Variants in FILIP1L observed in about 807,000 individuals in gnomAD.
FILIP1L encodes the protein filamin A-interacting protein 1-like.
Under a neutral mutation model 96.6 loss-of-function variants are expected in FILIP1L, and 55 were observed. The ratio of observed to expected loss-of-function variants is 0.57; its 90% CI spans 0.46 to 0.71. FILIP1L has a LOEUF of 0.71. Ranked by LOEUF, FILIP1L falls within the 30% of genes least tolerant of loss-of-function variation. The pLI is 0.00. For missense variants in FILIP1L, 1,304 were observed against 1,321.2 expected (o/e 0.99, Z 0.20); for synonymous variants, 467 against 473.9 (o/e 0.99, Z 0.19).
At chr3:100,059,782 T>A (rs973788832) in intron 1 of FILIP1L, among the ~76,000 whole-genome samples, 1 of 152,118 alleles carries the variant, frequency 6.6e-6, no homozygotes, top group Non-Finnish European at 1.5e-5. Flanking sequence ...TCAAGAGAAA[T>A]CAGAAATCCA....
intron 4 of FILIP1L, among the ~76,000 whole-genome samples, chr3:99,882,244 G>T (rs1258960366): frequency 6.6e-6 from 1 of 152,016 alleles, no homozygotes; most frequent in East Asian, 1.9e-4. Flanking sequence ...CGTCCCTTTC[G>T]GTTCCAAATT....
rs1333400545 is a variant in FILIP1L, at chr3:99,850,703, G to T, written c.973C>A (p.Gln325Lys). 1 of 1,613,908 alleles carries T rather than the reference G, an allele frequency of 6.2e-7. No homozygotes were observed. The highest frequency in any genetic ancestry group is 1.3e-5 in the African/African-American group (1 of 74,902). Residue 325 changes from glutamine (Q) to lysine (K), a missense_variant, in exon 5 of 6, where the codon CAA (glutamine) becomes AAA (lysine). Coordinates refer to ENST00000477258, the MANE Select transcript of FILIP1L (RefSeq NM_001387850.1). ...NEDSQNRQLQ[Q>K]KLAALSRQID... is the part of the protein sequence containing the mutation. ...TGCCGGCTGAGTGCTGCCAGCTTTT[G>T]TTGAAGCTGGCGATTTTGACTGTCC...
chr3:99,983,123 G>A (rs977587803), intron 1 of FILIP1L, among the ~76,000 whole-genome samples: 5 of 151,734 alleles, frequency 3.3e-5, no homozygotes, highest in African/African-American at 7.3e-5. Context: ...TCTTTTTACA[G>A]CTATTATCTC....
At chr3:99,835,709 G>A (rs1243662010) in intron 5 of FILIP1L, among the ~76,000 whole-genome samples, 1 of 152,188 alleles carries the variant, frequency 6.6e-6, no homozygotes, top group Non-Finnish European at 1.5e-5. Flanking sequence ...ATAAATGATA[G>A]CTGATTCTTG....
intron 1 of FILIP1L, among the ~76,000 whole-genome samples, chr3:99,958,877 A>G (rs1424740388): frequency 6.6e-6 from 1 of 152,180 alleles, no homozygotes; most frequent in Non-Finnish European, 1.5e-5. Flanking sequence ...TTGGCTTTAC[A>G]CTTAGGCAGT....
At position 99,944,598 on chromosome 3, in the gene FILIP1L, C is replaced by T. The variant is rs150701778; in HGVS notation, c.-10-13568G>A. 1.9e-3 allele frequency among the ~76,000 whole-genome samples: 287 copies of T among 152,260 alleles called. 1 individual carries two copies. The highest frequency in any genetic ancestry group is 6.5e-3 in the African/African-American group (271 of 41,552). ...TCTGCACTTTATGGGTTAAAGTAAC[C>T]GAAACCTAAAGAGGTTAAGTTAATC... On this transcript the variant is annotated intron_variant, in intron 1 of 5. Transcript: ENST00000477258.
At chr3:100,049,153 C>T (rs2065327778) in intron 1 of FILIP1L, among the ~76,000 whole-genome samples, 1 of 152,188 alleles carries the variant, frequency 6.6e-6, no homozygotes, top group African/African-American at 2.4e-5. Flanking sequence ...TTTACCTTCT[C>T]TCCTTACTAT....
At position 99,924,420 on chromosome 3, in the gene FILIP1L, A is replaced by G; in HGVS notation, c.427-12T>C. 3.7e-6 allele frequency: 6 copies of G among 1,612,486 alleles called. No homozygotes were observed. Among genetic ancestry groups the G allele is most frequent in the Non-Finnish European group, 4.2e-6 (5 of 1,178,834 alleles). Reference sequence around the variant, plus strand: ...ACAACTTTGTCCAACTACGAAAGAAAACATTTATAGCCTGTTACCAAATTG... The same window carrying G: ...ACAACTTTGTCCAACTACGAAAGAAGACATTTATAGCCTGTTACCAAATTG... On this transcript the variant is annotated splice_polypyrimidine_tract_variant and intron_variant, in intron 3 of 5. Coordinates refer to ENST00000477258, the MANE Select transcript of FILIP1L (RefSeq NM_001387850.1).
At chr3:99,872,266 G>A (rs971961309) in intron 4 of FILIP1L, among the ~76,000 whole-genome samples, 5 of 85,536 alleles carry the variant, frequency 5.8e-5, no homozygotes, top group Admixed American at 4.4e-4. Context: ...TTCTGTGCCA[G>A]GACTGTGTGT....
chr3:100,031,373 C>T (rs1262436720), intron 1 of FILIP1L, among the ~76,000 whole-genome samples: 2 of 152,022 alleles, frequency 1.3e-5, no homozygotes, highest in Non-Finnish European at 2.9e-5. Flanking sequence ...CTGTTACCCT[C>T]GTTTCCACTC....
At chr3:99,874,412 C>T (rs1705399001) in intron 4 of FILIP1L, 2 of 152,144 alleles carry the variant, frequency 1.3e-5, no homozygotes, top group Admixed American at 1.3e-4. Context: ...ATAAACAACT[C>T]TTCCATTGCA....
At chr3:99,841,027 CT>C (rs1943108246) in intron 5 of FILIP1L, among the ~76,000 whole-genome samples, 1 of 152,216 alleles carries the variant, frequency 6.6e-6, no homozygotes, top group South Asian at 2.1e-4. Context: ...GGCAGTGAAT[CT>C]TTCATCTCCA....
rs139416652 is a variant in FILIP1L at position 100,074,990 on chromosome 3, G to A, written c.-11+39063C>T. Among the ~76,000 whole-genome samples the A allele has an allele frequency of 4.4e-3, 675 of 151,940 alleles. 7 individuals are homozygous for A. The highest frequency in any genetic ancestry group is 0.016 in the African/African-American group (660 of 41,438). On this transcript the variant is annotated intron_variant, in intron 1 of 5. Transcript: ENST00000477258. Reference sequence around the variant, plus strand: ...ATTACAGGCATGAGCCAACATGCCCGGCCTGATTTTCTTTTATAATAATGA... The same window carrying A: ...ATTACAGGCATGAGCCAACATGCCCAGCCTGATTTTCTTTTATAATAATGA...
At chr3:100,036,790 C>A (rs1477114133) in intron 1 of FILIP1L, among the ~76,000 whole-genome samples, 1 of 152,004 alleles carries the variant, frequency 6.6e-6, no homozygotes, top group Non-Finnish European at 1.5e-5. Context: ...GGTAGTGACA[C>A]TTTAACCAAG....
At chr3:100,080,608 G>A (rs879579673) in intron 1 of FILIP1L, among the ~76,000 whole-genome samples, 2 of 152,194 alleles carry the variant, frequency 1.3e-5, no homozygotes, top group Admixed American at 6.5e-5. Flanking sequence ...AAACTGGTTA[G>A]GTATGAAGGA....
chr3:100,059,214 C>T (rs975036772), intron 1 of FILIP1L, among the ~76,000 whole-genome samples: 3 of 152,300 alleles, frequency 2.0e-5, no homozygotes, highest in African/African-American at 7.2e-5. Context: ...TGTTTCTGTC[C>T]AGTTTCTGGG....
At chr3:99,883,386 A>G (rs1479661015) in intron 4 of FILIP1L, among the ~76,000 whole-genome samples, 2 of 152,078 alleles carry the variant, frequency 1.3e-5, no homozygotes, top group African/African-American at 4.8e-5. Flanking sequence ...AGTTATTCCT[A>G]TATTATATCA....
intron 1 of FILIP1L, among the ~76,000 whole-genome samples, chr3:100,111,238 T>A (rs1017571354): frequency 1.3e-5 from 2 of 152,128 alleles, no homozygotes; most frequent in African/African-American, 4.8e-5. Context: ...AGTGAAACTT[T>A]CCTCTACCTG....
chr3:99,936,236 A>C (rs1707662613), intron 1 of FILIP1L, among the ~76,000 whole-genome samples: 1 of 152,042 alleles, frequency 6.6e-6, no homozygotes, highest in African/African-American at 2.4e-5. Flanking sequence ...AACTACTCCA[A>C]TTTAGAGAAA....
Sources: allele counts gnomAD v4.1 joint callset (sites outside exome capture counted in the v4.1 genomes callset), GRCh38; gene constraint gnomAD v4.1.1; transcripts MANE v1.5; gene names NCBI Gene and HGNC (gene_info 2026-07-23, HGNC 2026-07-21).